KIF1B: variants seen among roughly 807,000 people sequenced by gnomAD.
KIF1B encodes kinesin family member 1B.
Under a neutral mutation model 241.9 loss-of-function variants are expected in KIF1B, and 76 were observed. That is an observed-to-expected ratio of 0.31 (90% CI 0.26 to 0.38). The LOEUF is 0.38. Among genes scored for constraint, KIF1B ranks in the 10% least tolerant of loss-of-function variants. The pLI, the probability that KIF1B is intolerant of heterozygous loss-of-function variation, is 1.00. For missense variants in KIF1B, 1,622 were observed against 2,271.4 expected, an observed-to-expected ratio of 0.71 and a Z score of 5.81; for synonymous variants, 750 against 796.7, an observed-to-expected ratio of 0.94 and a Z score of 0.99.
chr1:10,316,463 C>G (rs1315184824), intron 22 of KIF1B, among the ~76,000 whole-genome samples: 1 of 151,428 alleles, frequency 6.6e-6, no homozygotes, highest in Non-Finnish European at 1.5e-5. Context: ...TCCCATGCAT[C>G]TTTTACTCAA....
At chr1:10,342,406 CTTTGAATATGGTAGAAA>C (rs1310261740) in intron 33 of KIF1B, among the ~76,000 whole-genome samples, 5 of 152,094 alleles carry the variant, frequency 3.3e-5, no homozygotes, top group Non-Finnish European at 7.3e-5. Flanking sequence ...TAGGAAGAGA[CTTTGAATATGGTAGAAA>C]TTTGAGGTAA....
chr1:10,325,665 C>T (rs1651697161), intron 26 of KIF1B, among the ~76,000 whole-genome samples: 1 of 152,174 alleles, frequency 6.6e-6, no homozygotes, highest in African/African-American at 2.4e-5. Context: ...CTTACCCTAG[C>T]AAAGCACATG....
At chr1:10,304,784 C>G in intron 22 of KIF1B, 1 of 1,516,814 alleles carries the variant, frequency 6.6e-7, no homozygotes, top group East Asian at 2.5e-5. Flanking sequence ...ATTGTTAAGA[C>G]AAAACACTGG....
rs17034595 is a variant in KIF1B at position 10,232,116 on chromosome 1, C to A, written c.-79-134C>A. 1,439 of 517,764 alleles carry A rather than the reference C, an allele frequency of 2.8e-3. 13 individuals are homozygous for A. The highest frequency in any genetic ancestry group is 0.022 in the African/African-American group (1,136 of 52,006). 32.1% of individuals were successfully genotyped at this position (517,764 alleles called of 1,614,324 possible). On this transcript the variant is annotated intron_variant, in intron 1 of 48. Coordinates refer to ENST00000676179, the MANE Select transcript of KIF1B (RefSeq NM_001365951.3). ...AACAAAACAAAACAAAAGATTTGCA[C>A]GGGAGAAAAGGGATGAATATCGTTT...
intron 1 of KIF1B, among the ~76,000 whole-genome samples, chr1:10,220,920 C>T (rs548155710): frequency 6.6e-6 from 1 of 152,062 alleles, no homozygotes; most frequent in Admixed American, 6.6e-5. Flanking sequence ...ACCTTGGCCT[C>T]CCAGAGTGCT....
At chr1:10,342,905 G>A (rs536931845) in intron 33 of KIF1B, among the ~76,000 whole-genome samples, 6 of 152,138 alleles carry the variant, frequency 3.9e-5, no homozygotes, top group Non-Finnish European at 5.9e-5. Flanking sequence ...TAATAATTAC[G>A]TTCATCTTAA....
At position 10,319,853 on chromosome 1, in the gene KIF1B, C is replaced by A. The variant is rs531335904; in HGVS notation, c.2116-190C>A. Reference sequence around the variant, plus strand: ...CTTTTTAACATTTACCCATTACAGACCATCTTGTGTGCTTTGTGGGTTTTT... The same window carrying A: ...CTTTTTAACATTTACCCATTACAGAACATCTTGTGTGCTTTGTGGGTTTTT... On this transcript the variant is annotated intron_variant, in intron 22 of 48. Coordinates refer to ENST00000676179, the MANE Select transcript of KIF1B (RefSeq NM_001365951.3). 5.9e-5 allele frequency among the ~76,000 whole-genome samples: 9 copies of A among 152,244 alleles called. No homozygotes were observed. In the South Asian group the frequency reaches 1.9e-3, roughly 32 times the overall value.
At chr1:10,241,624 CTCTT>C (rs1647138009) in intron 2 of KIF1B, among the ~76,000 whole-genome samples, 1 of 152,100 alleles carries the variant, frequency 6.6e-6, no homozygotes, top group African/African-American at 2.4e-5. Context: ...TGGAAACGTC[CTCTT>C]TCTTTGTGCT....
intron 16 of KIF1B, among the ~76,000 whole-genome samples, chr1:10,291,661 G>A (rs1456222838): frequency 6.6e-6 from 1 of 151,200 alleles, no homozygotes; most frequent in Non-Finnish European, 1.5e-5. Flanking sequence ...GCAGTGAGCC[G>A]AGATGGTGCC....
At chr1:10,360,049 A>G (rs1638372612) in intron 38 of KIF1B, among the ~76,000 whole-genome samples, 1 of 145,902 alleles carries the variant, frequency 6.9e-6, no homozygotes, top group Non-Finnish European at 1.6e-5. Context: ...AAAATAAAAT[A>G]AAAAAATAAT....
chr1:10,351,056 A>C (rs1206291513), intron 37 of KIF1B, among the ~76,000 whole-genome samples: 1 of 145,314 alleles, frequency 6.9e-6, no homozygotes, highest in Non-Finnish European at 1.5e-5. Context: ...CCACTGCATG[A>C]CAGAACAAGA....
chr1:10,341,968 A>C (rs200761224), intron 32 of KIF1B, 82 bp from the exon 33 acceptor site: 27 of 913,514 alleles, frequency 3.0e-5, no homozygotes, highest in Middle Eastern at 4.6e-4. Context: ...AAAAAAAAAA[A>C]CCCAAAATAC....
At chr1:10,242,786 A>C (rs778747688) in intron 2 of KIF1B, among the ~76,000 whole-genome samples, 12 of 152,128 alleles carry the variant, frequency 7.9e-5, no homozygotes, top group Admixed American at 5.9e-4. Flanking sequence ...AAGTGCTGGG[A>C]TTACAGGCGT....
At chr1:10,240,248 G>A (rs1647117347) in intron 2 of KIF1B, among the ~76,000 whole-genome samples, 1 of 150,528 alleles carries the variant, frequency 6.6e-6, no homozygotes, top group African/African-American at 2.4e-5. Flanking sequence ...TCACTTTGTT[G>A]CCCAGGCTGG....
In KIF1B at chr1:10,291,138, A is replaced by G. The variant is rs766903141; in HGVS notation, c.1491A>G (p.Lys497=). ...LNETWEEKLR[K]TEAIRMEREA... is the part of the protein sequence containing the mutation. ...AAACTTGGGAAGAGAAGCTTCGTAA[A>G]ACAGAGGCCATCAGAATGGAGAGGT... The change falls in exon 16 of 49, where the codon AAA becomes AAG. Residue 497 remains lysine, a synonymous_variant. Transcript: ENST00000676179. The G allele has an allele frequency of 4.3e-6, 7 of 1,612,934 alleles. No homozygotes were observed. The Admixed American group carries it at 1.2e-4, about 27-fold the overall frequency.
intron 15 of KIF1B, among the ~76,000 whole-genome samples, chr1:10,283,407 T>C (rs922225254): frequency 5.9e-5 from 9 of 152,178 alleles, no homozygotes; most frequent in African/African-American, 1.2e-4. Flanking sequence ...TGTATGCAGA[T>C]TACTGGCCTA....
chr1:10,349,469 G>A (rs191445242), intron 37 of KIF1B, among the ~76,000 whole-genome samples: 2 of 152,020 alleles, frequency 1.3e-5, no homozygotes, highest in African/African-American at 2.4e-5. Flanking sequence ...TCTGCTAATT[G>A]TGAGCTTGCA....
chr1:10,368,603 ATTAC>A, intron 44 of KIF1B, 65 bp downstream of exon 44: 1 of 1,398,712 alleles, frequency 7.1e-7, no homozygotes, highest in African/African-American at 1.4e-5. Flanking sequence ...AGCAGCCCAG[ATTAC>A]CTATTCCTGG....
rs553846600 is a variant in KIF1B at position 10,379,755 on chromosome 1, T to C, written c.*3168T>C. On this transcript the variant is annotated 3_prime_UTR_variant, in exon 49 of 49. Transcript: ENST00000676179. ...TCCTTTCTCCCATCAAAGCAAAATATGGCCTCACCACCAGCCCCAAATCAG... is the reference window on the plus strand; with the variant it reads ...TCCTTTCTCCCATCAAAGCAAAATACGGCCTCACCACCAGCCCCAAATCAG... 2.2e-5 allele frequency: 5 copies of C among 230,808 alleles called. No homozygotes were observed. The highest frequency in any genetic ancestry group is 2.6e-3 in the Middle Eastern group (2 of 778). 14.3% of individuals were successfully genotyped at this position (230,808 alleles called of 1,614,324 possible). A position where few individuals can be genotyped will look rare whatever the true frequency, so the allele number is the denominator to read the frequency against.
Sources: allele counts gnomAD v4.1 joint callset (sites outside exome capture counted in the v4.1 genomes callset), GRCh38; gene constraint gnomAD v4.1.1; transcripts MANE v1.5; gene names NCBI Gene and HGNC (gene_info 2026-07-23, HGNC 2026-07-21).